Variants in WWTR1 observed in about 807,000 individuals in gnomAD.
The protein encoded by WWTR1 is WW domain-containing transcription regulator protein 1.
A neutral mutation model predicts 40.1 loss-of-function variants in WWTR1; 13 were observed. The ratio of observed to expected loss-of-function variants is 0.32; its 90% CI spans 0.21 to 0.52. The LOEUF (loss-of-function observed/expected upper bound fraction) is 0.52. Among genes scored for constraint, WWTR1 ranks in the 20% least tolerant of loss-of-function variants. The pLI is 0.97. For missense variants in WWTR1, 436 were observed against 523.1 expected, an observed-to-expected ratio of 0.83 and a Z score of 1.63; for synonymous variants, 230 against 210.1, an observed-to-expected ratio of 1.09 and a Z score of -0.82.
At chr3:149,539,907 T>C (rs1416460225) in intron 4 of WWTR1, among the ~76,000 whole-genome samples, 1 of 152,100 alleles carries the variant, frequency 6.6e-6, no homozygotes, top group Non-Finnish European at 1.5e-5. Context: ...TGCCATTTAT[T>C]ATATGGTCTT....
Position 149,656,764 on chromosome 3 carries a change from T to TCTCTCTCTCTC in WWTR1, c.431+111_431+112insGAGAGAGAGAG, listed in dbSNP as rs1560106326. 5 of 468,670 alleles carry TCTCTCTCTCTC rather than the reference T, an allele frequency of 1.1e-5. No individual in the cohort carries two copies. The African/African-American group carries it at 1.6e-4, about 15-fold the overall frequency. 29.0% of individuals were successfully genotyped at this position (468,670 alleles called of 1,614,324 possible). A position where few individuals can be genotyped will look rare whatever the true frequency, so the allele number is the denominator to read the frequency against. ...GGAAGGACACGCACCATCTCTCTCT[T>TCTCTCTCTCTC]TCTCTCTCTCTCTCTCTCTCTCTCT... On this transcript the variant is annotated intron_variant, in intron 2 of 6. Coordinates refer to ENST00000360632, the MANE Select transcript of WWTR1 (RefSeq NM_015472.6).
chr3:149,588,361 T>C (rs894040478), intron 2 of WWTR1, among the ~76,000 whole-genome samples: 1 of 152,186 alleles, frequency 6.6e-6, no homozygotes, highest in African/African-American at 2.4e-5. Flanking sequence ...ATTTCCTTAA[T>C]GTTAGAGAAA....
rs576986581 is a variant in WWTR1, at chr3:149,604,103, A to G, written c.432-31103T>C. Among the ~76,000 whole-genome samples, 20 of 152,358 alleles carry G rather than the reference A, an allele frequency of 1.3e-4. No homozygotes were observed. In the South Asian group the frequency reaches 4.1e-3, roughly 32 times the overall value. ...GAAAAATAGTTTCATATTACATAAT[A>G]TGCAAAGCATTTTTGCTTTTGATTC... On this transcript the variant is annotated intron_variant, in intron 2 of 6. Transcript: ENST00000360632.
At chr3:149,599,972 G>T (rs1224313204) in intron 2 of WWTR1, among the ~76,000 whole-genome samples, 1 of 152,004 alleles carries the variant, frequency 6.6e-6, no homozygotes, top group East Asian at 1.9e-4. Context: ...TTGTAAAAAT[G>T]AATACAAATA....
Position 149,630,582 on chromosome 3 carries a change from C to T in WWTR1, c.431+26294G>A, listed in dbSNP as rs574050204. On this transcript the variant is annotated intron_variant, in intron 2 of 6. Transcript: ENST00000360632. ...CTTCTAGGCAGAAATAGTCTTGTCA[C>T]TTCATGTGAGGCCCCAGTCACCTGC... is the stretch of plus-strand genomic sequence containing the variant. Among the ~76,000 whole-genome samples, 85 of 152,292 alleles carry T rather than the reference C, an allele frequency of 5.6e-4. 1 individual carries two copies. The South Asian group carries it at 0.017, about 31-fold the overall frequency.
At chr3:149,539,556 G>C (rs2107931919) in intron 4 of WWTR1, among the ~76,000 whole-genome samples, 1 of 152,218 alleles carries the variant, frequency 6.6e-6, no homozygotes, top group East Asian at 1.9e-4. Context: ...CTGAGCAAGG[G>C]ATATTCAGGC....
At chr3:149,657,539 T>G in intron 1 of WWTR1, 3 of 556,482 alleles carry the variant, frequency 5.4e-6, no homozygotes, top group Non-Finnish European at 9.4e-6. Flanking sequence ...AGCAAAGAAG[T>G]TGCCTGGAGG....
chr3:149,527,704 C>T, intron 5 of WWTR1, 132 bp downstream of exon 5: 1 of 1,310,082 alleles, frequency 7.6e-7, no homozygotes, highest in African/African-American at 1.5e-5. Context: ...CAGCTCCTCC[C>T]ACTTCCTCCC....
At chr3:149,578,546 G>A (rs1737993177) in intron 2 of WWTR1, among the ~76,000 whole-genome samples, 1 of 152,138 alleles carries the variant, frequency 6.6e-6, no homozygotes, top group Non-Finnish European at 1.5e-5. Flanking sequence ...TACTGGTTAG[G>A]TGTAAAAATC....
chr3:149,558,735 C>T (rs1366001296), intron 3 of WWTR1, among the ~76,000 whole-genome samples: 1 of 152,128 alleles, frequency 6.6e-6, no homozygotes, highest in Non-Finnish European at 1.5e-5. Context: ...AAAAATGATT[C>T]ACAAAATAAC....
upstream of WWTR1, chr3:149,703,376 C>A (rs1330407917): frequency 2.0e-5 from 3 of 152,102 alleles, no homozygotes; most frequent in Non-Finnish European, 2.9e-5. Context: ...GTTTTGCCAA[C>A]AAACAGAAAT....
intron 2 of WWTR1, among the ~76,000 whole-genome samples, chr3:149,623,882 T>G (rs1475562212): frequency 6.6e-6 from 1 of 152,184 alleles, no homozygotes; most frequent in East Asian, 1.9e-4. Flanking sequence ...CTCGTTACCT[T>G]CATGTAGTTT....
At chr3:149,526,161 C>T (rs769938151) in intron 5 of WWTR1, 36 bp from the exon 6 acceptor site, 2 of 1,461,498 alleles carry the variant, frequency 1.4e-6, no homozygotes, top group South Asian at 1.3e-5. Flanking sequence ...TCAATATGAG[C>T]CCACTAAATA....
At chr3:149,642,416 C>CACAT (rs1491278593) in intron 2 of WWTR1, among the ~76,000 whole-genome samples, 2 of 128,822 alleles carry the variant, frequency 1.6e-5, no homozygotes, top group African/African-American at 6.5e-5. Flanking sequence ...AAAACTCTGT[C>CACAT]ACACACACAC....
intron 3 of WWTR1, among the ~76,000 whole-genome samples, chr3:149,568,472 A>ATTTTAG (rs1461507197): frequency 6.9e-6 from 1 of 143,954 alleles, no homozygotes; most frequent in Admixed American, 7.5e-5. Flanking sequence ...AAAAACTAAA[A>ATTTTAG]TTTTAGTTTT....
At chr3:149,665,012 G>A (rs1416204596) in intron 2 of WWTR1, among the ~76,000 whole-genome samples, 2 of 151,960 alleles carry the variant, frequency 1.3e-5, no homozygotes, top group Non-Finnish European at 2.9e-5. Flanking sequence ...TTATCCTTTA[G>A]TATTTTTGCT....
intron 2 of WWTR1, among the ~76,000 whole-genome samples, chr3:149,575,132 G>A (rs1269185143): frequency 1.3e-5 from 2 of 151,998 alleles, no homozygotes; most frequent in African/African-American, 4.8e-5. Flanking sequence ...GAAGTAAAGA[G>A]ATGAAAATCA....
Position 149,542,462 on chromosome 3 carries a change from G to A in WWTR1, c.644C>T (p.Pro215Leu). ...SQQNHPTQNP[P>L]AGLMSMPNAL... ...ATTGGGCATACTCATGAGCCCTGCG[G>A]GTGGGTTCTGAGTGGGGTGGTTCTG... The change falls in exon 4 of 7, where the codon CCC becomes CTC. Residue 215 changes from proline (P) to leucine (L), a missense_variant. Physicochemically the swap from Pro to Leu is moderately conservative, Grantham distance 98. Coordinates refer to ENST00000360632, the MANE Select transcript of WWTR1 (RefSeq NM_015472.6). The A allele has an allele frequency of 6.2e-7, 1 of 1,614,142 alleles. No homozygotes were observed. The highest frequency in any genetic ancestry group is 8.5e-7 in the Non-Finnish European group (1 of 1,179,996).
chr3:149,700,131 T>C (rs1436370121), intron 1 of WWTR1, among the ~76,000 whole-genome samples: 1 of 152,140 alleles, frequency 6.6e-6, no homozygotes, highest in African/African-American at 2.4e-5. Flanking sequence ...GCACATCACA[T>C]GGTGACAGTG....
Sources: allele counts gnomAD v4.1 joint callset (sites outside exome capture counted in the v4.1 genomes callset), GRCh38; gene constraint gnomAD v4.1.1; transcripts MANE v1.5; gene names NCBI Gene and HGNC (gene_info 2026-07-23, HGNC 2026-07-21).